The following POLL variants were observed in gnomAD, a reference collection of about 807,000 sequenced individuals.
POLL encodes DNA polymerase beta-2.
Under a neutral mutation model 58.1 loss-of-function variants are expected in POLL, and 44 were observed. The ratio of observed to expected loss-of-function variants is 0.76; its 90% CI spans 0.60 to 0.97. The LOEUF (loss-of-function observed/expected upper bound fraction) is 0.97. POLL is among the 50% of genes least tolerant of loss of function. The probability of loss-of-function intolerance (pLI) is 0.00; values close to 1 mark genes in which losing one functional copy is unlikely to be tolerated. For missense variants in POLL, 632 were observed against 736.8 expected (o/e 0.86, Z 1.65); for synonymous variants, 290 against 283.2 (o/e 1.02, Z -0.24).
At position 101,585,352 on chromosome 10, in the gene POLL, G is replaced by A. The variant is rs2063259507; in HGVS notation, c.537C>T (p.Pro179=). 6.3e-7 allele frequency: 1 copy of A among 1,595,198 alleles called. No individual in the cohort carries two copies. Among genetic ancestry groups the A allele is most frequent in the Admixed American group, 1.7e-5 (1 of 57,160 alleles). ...TGTTTGGTGCCTCTTTTGCCTTTTG[G>A]GGAGGAGACACAGGCCTGGTGGGAG... The part of the protein sequence containing the change: ...PPPPTRPVSP[P]QKAKEAPNTQ... Residue 179 remains proline, a synonymous_variant, in exon 4 of 9, where the codon CCC becomes CCT. Coordinates refer to ENST00000370162, the MANE Select transcript of POLL (RefSeq NM_001174084.2).
chr10:101,587,441 C>T, intron 1 of POLL, 35 bp from the exon 2 acceptor site: 1 of 1,596,440 alleles, frequency 6.3e-7, no homozygotes, highest in Non-Finnish European at 8.5e-7. Flanking sequence ...GGCCCTCCAA[C>T]CCCTTTGCCT....
Position 101,580,061 on chromosome 10 carries a change from T to G in POLL, c.1363+187A>C. The G allele has an allele frequency of 1.5e-6, 1 of 676,584 alleles. No homozygotes were observed. The allele number at this position is 676,584 out of a possible 1,614,324, so 41.9% of individuals were successfully genotyped here. On this transcript the variant is annotated intron_variant, in intron 8 of 8. Coordinates refer to ENST00000370162, the MANE Select transcript of POLL (RefSeq NM_001174084.2). This position sits in a 1 kb window ranked among gnomAD's most constrained non-coding sequence, Gnocchi z 4.1. ...GGTTCACTGAGCACCTCCACATAGG[T>G]GTGGCGGGGCTGTTCCATCTCTCCC...
Position 101,588,068 on chromosome 10 carries a change from A to G in POLL, c.-293T>C, listed in dbSNP as rs1420569615. The G allele has an allele frequency of 6.8e-7, 1 of 1,461,312 alleles. No individual in the cohort carries two copies. The highest frequency in any genetic ancestry group is 1.8e-4 in the Middle Eastern group (1 of 5,616). 90.5% of individuals were successfully genotyped at this position (1,461,312 alleles called of 1,614,324 possible). On this transcript the variant is annotated 5_prime_UTR_variant, in exon 1 of 9. Transcript: ENST00000370162. The stretch of plus-strand genomic sequence containing the variant: ...CAGCTGGCGCAGGCCAGGGAATCCC[A>G]GCTCGGGGCTAGAAGAAAGCTGGAG...
In POLL at chr10:101,588,004, G is replaced by C; in HGVS notation, c.-229C>G. The C allele has an allele frequency of 7.5e-7, 1 of 1,335,908 alleles. No homozygotes were observed. Among genetic ancestry groups the C allele is most frequent in the Non-Finnish European group, 9.8e-7 (1 of 1,019,634 alleles). The allele number at this position is 1,335,908 out of a possible 1,614,324, so 82.8% of individuals were successfully genotyped here. A position where few individuals can be genotyped will look rare whatever the true frequency, so the allele number is the denominator to read the frequency against. On this transcript the variant is annotated 5_prime_UTR_variant, in exon 1 of 9. Coordinates refer to ENST00000370162, the MANE Select transcript of POLL (RefSeq NM_001174084.2). ...GAATGGAGGAGTCTCGCAGCTGCGG[G>C]TGAAGTCCCGGGCAGGTGCGGTGTA...
At chr10:101,586,972 C>T in intron 2 of POLL, 1 of 499,432 alleles carries the variant, frequency 2.0e-6, no homozygotes, top group South Asian at 2.0e-5. Flanking sequence ...TGTCCCAGTC[C>T]TCAGGGCAAA....
At position 101,584,860 on chromosome 10, in the gene POLL, C is replaced by A; in HGVS notation, c.633G>T (p.Leu211=). 6.7e-7 allele frequency: 1 copy of A among 1,482,670 alleles called. No individual in the cohort carries two copies. The allele number at this position is 1,482,670 out of a possible 1,614,324, so 91.8% of individuals were successfully genotyped here. A position where few individuals can be genotyped will look rare whatever the true frequency, so the allele number is the denominator to read the frequency against. ...GEETQVSAAD[L]EALISGHYPT... ...GGTAGTGGCCACTGATGAGGGCTTC[C>A]AGATCAGCTGCACTAACCTGGGTTT... The change falls in exon 5 of 9, where the codon CTG becomes CTT. Residue 211 remains leucine, a synonymous_variant. Coordinates refer to ENST00000370162, the MANE Select transcript of POLL (RefSeq NM_001174084.2).
At position 101,579,577 on chromosome 10, in the gene POLL, G is replaced by A. The variant is rs755652531; in HGVS notation, c.1604C>T (p.Ala535Val). Residue 535 changes from alanine (A) to valine (V), a missense_variant, in exon 9 of 9, where the codon GCT becomes GTT. Coordinates refer to ENST00000370162, the MANE Select transcript of POLL (RefSeq NM_001174084.2). The surrounding 1 kb of genome is among the most constrained non-coding windows in gnomAD (Gnocchi z 4.4). The part of the protein sequence containing the change: ...MSLSEHALST[A>V]VVRNTHGCKV... ...GCAGCCATGGGTGTTCCGGACCACA[G>A]CAGTGCTGAGGGCATGTTCTGACAG... is the stretch of plus-strand genomic sequence containing the variant. 4.9e-5 allele frequency: 79 copies of A among 1,613,936 alleles called. No individual in the cohort carries two copies. The highest frequency in any genetic ancestry group is 6.5e-5 in the Non-Finnish European group (77 of 1,180,044).
At chr10:101,587,602 G>T (rs1381201438) in intron 1 of POLL, 196 bp from the exon 2 acceptor site, 4 of 1,102,416 alleles carry the variant, frequency 3.6e-6, no homozygotes, top group Non-Finnish European at 4.9e-6. Context: ...GGAGTATTAC[G>T]GGAAATGAGG....
intron 3 of POLL, 110 bp downstream of exon 3, chr10:101,585,752 C>T: frequency 4.9e-6 from 5 of 1,023,968 alleles, no homozygotes; most frequent in Non-Finnish European, 4.2e-6. Context: ...AGGCACACCC[C>T]ACCATGCCTG....
chr10:101,585,291 T>A lies in POLL; in HGVS notation c.573+25A>T, dbSNP rs750219907. On this transcript the variant is annotated intron_variant, in intron 4 of 8. Transcript: ENST00000370162. ...TGATCTGCTTCCTAGGGGAAGGGAG[T>A]TCTGAGGGATGGGAGGCTCCTGACC... 6.7e-6 allele frequency: 10 copies of A among 1,496,460 alleles called. No homozygotes were observed. The South Asian group carries it at 1.3e-4, about 19-fold the overall frequency. 92.7% of individuals were successfully genotyped at this position (1,496,460 alleles called of 1,614,324 possible).
chr10:101,585,655 T>C (rs972849793), intron 3 of POLL, among the ~76,000 whole-genome samples, 177 bp from the exon 4 acceptor site: 10 of 152,032 alleles, frequency 6.6e-5, no homozygotes, highest in African/African-American at 1.9e-4. Context: ...CAGGCTGGAG[T>C]ACAGTGGTAC....
In POLL at chr10:101,587,340, C is replaced by T; in HGVS notation, c.21G>A (p.Leu7=). ...TTTTCTGCCGCTTGGGAAATGCCTT[C>T]AAGATACCCCTGGGATCCATTGAAG... The part of the protein sequence containing the change: MDPRGI[L]KAFPKRQKIH... Residue 7 remains leucine (L), a synonymous_variant, in exon 2 of 9, where the codon TTG becomes TTA. Transcript: ENST00000370162. The T allele has an allele frequency of 1.2e-6, 2 of 1,614,142 alleles. No individual in the cohort carries two copies. Among genetic ancestry groups the T allele is most frequent in the Non-Finnish European group, 1.7e-6 (2 of 1,180,020 alleles).
rs1416586040 is a variant in POLL at position 101,584,724 on chromosome 10, T to G, written c.769A>C (p.Thr257Pro). The G allele has an allele frequency of 6.2e-7, 1 of 1,614,052 alleles. No individual in the cohort carries two copies. Among genetic ancestry groups the G allele is most frequent in the Non-Finnish European group, 8.5e-7 (1 of 1,179,972 alleles). Residue 257 changes from threonine (T) to proline (P), a missense_variant, in exon 5 of 9, where the codon ACA (threonine) becomes CCA (proline). Coordinates refer to ENST00000370162, the MANE Select transcript of POLL (RefSeq NM_001174084.2). The stretch of plus-strand genomic sequence containing the variant: ...TTGGCCAGAACTTCCAGCTTCTCTG[T>G]GATATGGAGGTTGTGATTGGTCGCC... The part of the protein sequence containing the change: ...QKATNHNLHI[T>P]EKLEVLAKAY...
rs1352304171 is a variant in POLL at position 101,582,803 on chromosome 10, T to C, written c.1154A>G (p.Glu385Gly). The C allele has an allele frequency of 1.2e-6, 2 of 1,614,176 alleles. No homozygotes were observed. The highest frequency in any genetic ancestry group is 1.3e-5 in the African/African-American group (1 of 75,056). ...IGLKHYSDFLERMPREEATEI... is the reference protein window; with the variant it reads ...IGLKHYSDFLGRMPREEATEI... ...TGTAGCCTCCTCCCTGGGCATACGT[T>C]CCAGGAAGTCACTGTAATGCTTCAG... The change falls in exon 7 of 9, where the codon GAA (glutamate) becomes GGA (glycine). Residue 385 changes from glutamate to glycine, a missense_variant. Coordinates refer to ENST00000370162, the MANE Select transcript of POLL (RefSeq NM_001174084.2).
At chr10:101,586,382 T>C (rs1209559693) in intron 2 of POLL, among the ~76,000 whole-genome samples, 1 of 152,242 alleles carries the variant, frequency 6.6e-6, no homozygotes, top group Non-Finnish European at 1.5e-5. Context: ...ATACGTCCTG[T>C]TCCTTGGTGC....
rs2063422356 is a variant in POLL at position 101,587,251 on chromosome 10, GCTT to G, written c.107_109del (p.Glu36del). 2 of 1,613,862 alleles carry G rather than the reference GCTT, an allele frequency of 1.2e-6. No individual in the cohort carries two copies. Among genetic ancestry groups the G allele is most frequent in the Non-Finnish European group, 1.7e-6 (2 of 1,179,796 alleles). On this transcript the variant is annotated inframe_deletion, in exon 2 of 9. Transcript: ENST00000370162. ...CTGAGACTGGGTCAGCTCACCTTCT[GCTT>G]CTTCTCCCTCTTCCCTCCTAGGAAT...
At position 101,588,206 on chromosome 10, in the gene POLL, G is replaced by A. The variant is rs149532481; in HGVS notation, c.-431C>T. 6.2e-5 allele frequency: 96 copies of A among 1,541,118 alleles called. No homozygotes were observed. In the East Asian group the frequency reaches 2.3e-3, roughly 37 times the overall value. ...GTGGGCAGGAATAGACCACTTACCA[G>A]CAGAGCCAATGAGAGCGGACGAAGG... On this transcript the variant is annotated 5_prime_UTR_variant, in exon 1 of 9. Coordinates refer to ENST00000370162, the MANE Select transcript of POLL (RefSeq NM_001174084.2).
rs933912774 is a variant in POLL, at chr10:101,587,527, C to G, written c.-46-121G>C. The G allele has an allele frequency of 2.7e-6, 4 of 1,490,248 alleles. No homozygotes were observed. In the Admixed American group the frequency reaches 6.4e-5, roughly 24 times the overall value. 92.3% of individuals were successfully genotyped at this position (1,490,248 alleles called of 1,614,324 possible). On this transcript the variant is annotated intron_variant, in intron 1 of 8. Coordinates refer to ENST00000370162, the MANE Select transcript of POLL (RefSeq NM_001174084.2). ...GGGGAAGCGGGTCGGGGGAGGGGGT[C>G]TCTTCAAACCCGGTTAAACTTCAGT...
chr10:101,583,258 G>A (rs558757237), intron 6 of POLL: 1 of 597,140 alleles, frequency 1.7e-6, no homozygotes, highest in South Asian at 2.1e-5. Flanking sequence ...GCCCTTGCTG[G>A]TCTGGGGAGA....
Sources: gnomAD v4.1 joint callset for allele counts (sites outside exome capture counted in the v4.1 genomes callset) on GRCh38, gnomAD v4.1.1 for gene constraint, Gnocchi (gnomAD v3.1) non-coding constraint, MANE v1.5 for transcripts, NCBI Gene and HGNC (gene_info 2026-07-23, HGNC 2026-07-21) for gene names.